Variants in MYO16 observed in about 807,000 individuals in gnomAD.
MYO16 encodes the protein unconventional myosin-XVI.
Under a neutral mutation model 205.3 loss-of-function variants are expected in MYO16, and 94 were observed. That is an observed-to-expected ratio of 0.46 (90% confidence interval 0.39 to 0.54). MYO16 has a LOEUF of 0.54. Ranked by LOEUF, MYO16 falls within the 20% of genes least tolerant of loss-of-function variation. The pLI is 0.00. For synonymous variants in MYO16, 988 were observed against 954.0 expected (o/e 1.04, Z -0.66); for missense variants, 2,315 against 2,387.5 (o/e 0.97, Z 0.63).
rs188369346 is a variant in MYO16 at position 109,117,385 on chromosome 13, C to T, written c.3439-2985C>T. Among the ~76,000 whole-genome samples the T allele has an allele frequency of 4.9e-3, 689 of 140,762 alleles. 3 individuals carry two copies. The highest frequency in any genetic ancestry group is 0.017 in the African/African-American group (620 of 37,524). 92.3% of individuals were successfully genotyped at this position (140,762 alleles called of 152,430 possible). ...AATATGCAAATATATATAATATATG[C>T]GTGTGTATATATGTATATATATATG... On this transcript the variant is annotated intron_variant, in intron 28 of 34. Coordinates refer to ENST00000457511, the MANE Select transcript of MYO16 (RefSeq NM_001198950.3).
At chr13:109,080,538 T>C (rs1431264) in intron 27 of MYO16, among the ~76,000 whole-genome samples, 46,817 of 151,120 alleles carry the variant, frequency 0.31, 7,691 homozygotes, top group East Asian at 0.43. Flanking sequence ...TTTGTTTCTG[T>C]AGAGTTCTGA....
intron 11 of MYO16, among the ~76,000 whole-genome samples, chr13:108,856,151 A>G (rs1878160000): frequency 6.6e-6 from 1 of 152,204 alleles, no homozygotes; most frequent in East Asian, 1.9e-4. Context: ...AGCACTGATA[A>G]CAGTTTAGGC....
the MYO16 span, among the ~76,000 whole-genome samples, chr13:108,575,753 C>T: frequency 8.0e-3 from 1,214 of 152,224 alleles, 11 homozygotes; most frequent in African/African-American, 0.028. Flanking sequence ...CTCTCTGTTC[C>T]GTGTTTCTGG....
chr13:109,163,454 CCCTT>C (rs139385635), intron 32 of MYO16, among the ~76,000 whole-genome samples: 92,993 of 137,538 alleles, frequency 0.68, 33,229 homozygotes, highest in Non-Finnish European at 0.8. Context: ...ATGGAACCTT[CCCTT>C]CCTTCCTTCC....
rs59465499 is a variant in MYO16 at position 109,154,911 on chromosome 13, G to GAAAAAAAAAAAAA, written c.5165-9976_5165-9964dup. ...AGGTATTGCATACTCGGCTAATTAT[G>GAAAAAAAAAAAAA]AAAAAAAAAAAAAAAAAAAAAAAAA... On this transcript the variant is annotated intron_variant, in intron 32 of 34. Transcript: ENST00000457511. 2.1e-4 allele frequency among the ~76,000 whole-genome samples: 13 copies of GAAAAAAAAAAAAA among 62,682 alleles called. 1 individual carries two copies. Among genetic ancestry groups the GAAAAAAAAAAAAA allele is most frequent in the African/African-American group, 4.3e-4 (7 of 16,258 alleles). 41.1% of individuals were successfully genotyped at this position (62,682 alleles called of 152,430 possible).
chr13:108,713,660 G>T (rs935790829), intron 3 of MYO16, among the ~76,000 whole-genome samples: 1 of 152,194 alleles, frequency 6.6e-6, no homozygotes, highest in Non-Finnish European at 1.5e-5. Context: ...GGGAAAAACT[G>T]CATGAAAGAG....
intron 22 of MYO16, among the ~76,000 whole-genome samples, chr13:109,009,397 G>C (rs1196800883): frequency 6.6e-6 from 1 of 152,018 alleles, no homozygotes; most frequent in Admixed American, 6.6e-5. Context: ...CATAAAACAA[G>C]TTCAATGGAA....
At chr13:108,936,233 T>C (rs1024665282) in intron 16 of MYO16, among the ~76,000 whole-genome samples, 2 of 151,912 alleles carry the variant, frequency 1.3e-5, no homozygotes, top group African/African-American at 4.8e-5. Context: ...CTGCTGACTT[T>C]GTAGAATGAA....
intron 16 of MYO16, among the ~76,000 whole-genome samples, chr13:108,934,682 G>A (rs1441709950): frequency 2.0e-5 from 3 of 151,968 alleles, no homozygotes; most frequent in Non-Finnish European, 2.9e-5. Context: ...CAAGGTCCAT[G>A]CCCAGAATGG....
intron 23 of MYO16, among the ~76,000 whole-genome samples, chr13:109,022,309 TATATATTATATA>T: frequency 1.1e-4 from 1 of 9,334 alleles, no homozygotes; most frequent in East Asian, 7.8e-3. Flanking sequence ...AATATATATT[TATATATTATATA>T]CAAATATATA....
Position 108,933,015 on chromosome 13 carries a change from CGA to C in MYO16, c.1925+22866_1925+22867del. ...ATTCAGAAGGTGGAGGATGTGCCTGCGAACGACAGAGAAAGGCATCAGGGGGA... is the reference window on the plus strand; with the variant it reads ...ATTCAGAAGGTGGAGGATGTGCCTGCACGACAGAGAAAGGCATCAGGGGGA... On this transcript the variant is annotated intron_variant, in intron 16 of 34. Transcript: ENST00000457511. Among the ~76,000 whole-genome samples the C allele has an allele frequency of 2.6e-5, 4 of 152,052 alleles. No individual in the cohort carries two copies. The Middle Eastern group carries it at 0.014, about 517-fold the overall frequency.
rs534018307 is a variant in MYO16, at chr13:109,177,133, C to T, written c.5324-2409C>T. On this transcript the variant is annotated intron_variant, in intron 33 of 34. Transcript: ENST00000457511. ...TTCGCCCTCCACAATTCTCCTCCTC[C>T]TCGAAGGCCCAGGTCCTTTAGCAAC... is the stretch of plus-strand genomic sequence containing the variant. Among the ~76,000 whole-genome samples, 7 of 152,258 alleles carry T rather than the reference C, an allele frequency of 4.6e-5. No individual in the cohort carries two copies. In the South Asian group the frequency reaches 1.2e-3, roughly 27 times the overall value.
the MYO16 span, among the ~76,000 whole-genome samples, chr13:108,564,460 C>T: frequency 2.5e-3 from 382 of 152,270 alleles, 2 homozygotes; most frequent in African/African-American, 8.3e-3. Flanking sequence ...TGAGCCACTG[C>T]ACCCGGTCCC....
At chr13:108,613,958 A>G (rs1879261709) in intron 1 of MYO16, among the ~76,000 whole-genome samples, 1 of 152,126 alleles carries the variant, frequency 6.6e-6, no homozygotes, top group South Asian at 2.1e-4. Context: ...TCAATTCCAT[A>G]ATGTACTGAA....
chr13:108,562,539 G>A, the MYO16 span, among the ~76,000 whole-genome samples: 1 of 152,068 alleles, frequency 6.6e-6, no homozygotes, highest in Non-Finnish European at 1.5e-5. Flanking sequence ...TCCCACTTCT[G>A]GGAAACTTAC....
chr13:109,083,528 T>C (rs1888346526), intron 27 of MYO16, among the ~76,000 whole-genome samples: 1 of 150,712 alleles, frequency 6.6e-6, no homozygotes, highest in Admixed American at 6.6e-5. Flanking sequence ...AAAGATGATA[T>C]AGATTGAGGC....
the MYO16 span, among the ~76,000 whole-genome samples, chr13:108,502,235 A>G: frequency 6.6e-6 from 1 of 152,204 alleles, no homozygotes; most frequent in Non-Finnish European, 1.5e-5. Flanking sequence ...GCAATAAAAA[A>G]TAAAATAAAT....
At chr13:108,813,901 C>G (rs1334757409) in intron 7 of MYO16, among the ~76,000 whole-genome samples, 1 of 152,116 alleles carries the variant, frequency 6.6e-6, no homozygotes, top group Non-Finnish European at 1.5e-5. Flanking sequence ...TAGCCCTGGC[C>G]TGCTTAATTC....
At chr13:108,600,379 C>T (rs1878719475) in intron 1 of MYO16, among the ~76,000 whole-genome samples, 1 of 152,150 alleles carries the variant, frequency 6.6e-6, no homozygotes, top group African/African-American at 2.4e-5. Flanking sequence ...GAGCTGTGAG[C>T]ATTGAAATAA....
Sources: allele counts gnomAD v4.1 joint callset (sites outside exome capture counted in the v4.1 genomes callset), GRCh38; gene constraint gnomAD v4.1.1; transcripts MANE v1.5; gene names NCBI Gene and HGNC (gene_info 2026-07-23, HGNC 2026-07-21).